NCOA3: variants seen among roughly 807,000 people sequenced by gnomAD.
NCOA3 encodes the protein CBP-interacting protein.
Under a neutral mutation model 158.8 loss-of-function variants are expected in NCOA3, and 51 were observed. The observed-to-expected ratio is 0.32, with a 90% CI of 0.26 to 0.41. NCOA3 has a LOEUF of 0.41. Ranked by LOEUF, NCOA3 falls within the 10% of genes least tolerant of loss-of-function variation. NCOA3 has a pLI of 1.00. For synonymous variants in NCOA3, 537 were observed against 592.4 expected (o/e 0.91, Z 1.36); for missense variants, 1,510 against 1,746.6 (o/e 0.86, Z 2.41).
At chr20:47,643,265 G>T (rs565606843) in intron 17 of NCOA3, among the ~76,000 whole-genome samples, 1 of 152,210 alleles carries the variant, frequency 6.6e-6, no homozygotes, top group African/African-American at 2.4e-5. Context: ...AGGTTTGTGC[G>T]TTCAACAGTA....
At chr20:47,641,321 T>C (rs1202022028) in intron 16 of NCOA3, among the ~76,000 whole-genome samples, 1 of 139,004 alleles carries the variant, frequency 7.2e-6, no homozygotes, top group African/African-American at 2.7e-5. Context: ...TAGCTCAACA[T>C]TTCTTTTTTT....
At chr20:47,630,572 C>CAAA (rs1818464197) in intron 8 of NCOA3, 1 of 146,864 alleles carries the variant, frequency 6.8e-6, no homozygotes, top group African/African-American at 2.5e-5. Flanking sequence ...AAACCATTCT[C>CAAA]CTGCCTCAGC....
intron 2 of NCOA3, among the ~76,000 whole-genome samples, chr20:47,586,846 C>T (rs951036845): frequency 6.6e-6 from 1 of 152,194 alleles, no homozygotes; most frequent in African/African-American, 2.4e-5. Context: ...ACTGCATCCG[C>T]AATGTGATAC....
intron 1 of NCOA3, among the ~76,000 whole-genome samples, chr20:47,522,695 C>T (rs1333818123): frequency 1.3e-5 from 2 of 150,364 alleles, no homozygotes; most frequent in East Asian, 1.9e-4. Context: ...AATGCAGGGG[C>T]GCTATGATGT....
chr20:47,633,500 G>A lies in NCOA3; in HGVS notation c.828G>A (p.Lys276=). The A allele has an allele frequency of 1.2e-6, 2 of 1,603,956 alleles. No individual in the cohort carries two copies. Among genetic ancestry groups the A allele is most frequent in the Non-Finnish European group, 1.7e-6 (2 of 1,177,146 alleles). Residue 276 remains lysine, a synonymous_variant, in exon 9 of 23, where the codon AAG becomes AAA. Coordinates refer to ENST00000371998, the MANE Select transcript of NCOA3 (RefSeq NM_181659.3). The part of the protein sequence containing the change: ...SFITRHDLSG[K]VVNIDTNSLR... The stretch of plus-strand genomic sequence containing the variant: ...TTTCCTTTTTTTGTTTAATAGGAAA[G>A]GTTGTCAATATAGATACAAATTCAC...
chr20:47,505,005 T>C (rs1474763208), intron 1 of NCOA3, among the ~76,000 whole-genome samples: 1 of 97,538 alleles, frequency 1.0e-5, no homozygotes, highest in Non-Finnish European at 2.3e-5. Flanking sequence ...GGTTTTTGGT[T>C]TTTTTTTTTT....
intron 1 of NCOA3, among the ~76,000 whole-genome samples, chr20:47,505,965 C>T (rs1023159646): frequency 2.0e-5 from 3 of 151,974 alleles, no homozygotes; most frequent in South Asian, 2.1e-4. Flanking sequence ...CCACCATGCC[C>T]GGCTAATTTT....
chr20:47,502,792 G>C (rs550046612), intron 1 of NCOA3, among the ~76,000 whole-genome samples: 5 of 147,968 alleles, frequency 3.4e-5, no homozygotes, highest in South Asian at 2.1e-4. Flanking sequence ...TCTTGTACCT[G>C]CCTTAACAAA....
At chr20:47,511,713 C>T (rs1344101629) in intron 1 of NCOA3, among the ~76,000 whole-genome samples, 2 of 150,818 alleles carry the variant, frequency 1.3e-5, no homozygotes, top group East Asian at 3.9e-4. Flanking sequence ...CCACGTGGAC[C>T]CAGCTAATTT....
intron 1 of NCOA3, among the ~76,000 whole-genome samples, chr20:47,505,597 A>T (rs1424191745): frequency 6.6e-6 from 1 of 152,176 alleles, no homozygotes; most frequent in East Asian, 1.9e-4. Flanking sequence ...TTTGGTTCAT[A>T]TCCTTGGTAT....
At chr20:47,575,525 T>C (rs1320170406) in intron 1 of NCOA3, among the ~76,000 whole-genome samples, 1 of 152,224 alleles carries the variant, frequency 6.6e-6, no homozygotes, top group East Asian at 1.9e-4. Flanking sequence ...ATTATATTGC[T>C]ATATAAACTT....
At chr20:47,532,139 T>TGTGTG (rs1555800968) in intron 1 of NCOA3, among the ~76,000 whole-genome samples, 1 of 151,316 alleles carries the variant, frequency 6.6e-6, no homozygotes, top group African/African-American at 2.4e-5. Flanking sequence ...TGTGTGTGTG[T>TGTGTG]TGCAGGGTTT....
In NCOA3 at chr20:47,642,292, T is replaced by C. The variant is rs1367940449; in HGVS notation, c.3160T>C (p.Leu1054=). ...AGGCCAGAGTGACGAAAGAGCATTA[T>C]TGGACCAGCTGCACACTCTTCTCAG... ...LEGQSDERAL[L]DQLHTLLSNT... is the part of the protein sequence containing the mutation. Residue 1054 remains leucine (L), a synonymous_variant, in exon 17 of 23, where the codon TTG becomes CTG. Coordinates refer to ENST00000371998, the MANE Select transcript of NCOA3 (RefSeq NM_181659.3). The C allele has an allele frequency of 5.0e-6, 8 of 1,613,648 alleles. No homozygotes were observed. The highest frequency in any genetic ancestry group is 1.3e-5 in the African/African-American group (1 of 74,990).
intron 2 of NCOA3, among the ~76,000 whole-genome samples, chr20:47,587,087 T>G (rs1340683320): frequency 6.6e-6 from 1 of 152,252 alleles, no homozygotes; most frequent in African/African-American, 2.4e-5. Context: ...TTGTGATGAT[T>G]GCAAAATGGT....
At chr20:47,554,546 A>G (rs534393400) in intron 1 of NCOA3, among the ~76,000 whole-genome samples, 3 of 149,412 alleles carry the variant, frequency 2.0e-5, no homozygotes, top group Non-Finnish European at 4.4e-5. Context: ...AATCACAAGC[A>G]TTCTTATACA....
rs2086251301 is a variant in NCOA3 at position 47,622,141 on chromosome 20, A to G, written c.-19-88A>G. On this transcript the variant is annotated intron_variant, in intron 2 of 22. Transcript: ENST00000371998. ...TTAGAGAAAGTAGTTCTGAATTAAA[A>G]GTTGCAGTCATTCAGTCATATAACA... is the stretch of plus-strand genomic sequence containing the variant. 3 of 638,744 alleles carry G rather than the reference A, an allele frequency of 4.7e-6. No individual in the cohort carries two copies. In the South Asian group the frequency reaches 6.0e-5, roughly 13 times the overall value. The allele number at this position is 638,744 out of a possible 1,614,324, so 39.6% of individuals were successfully genotyped here. A position where few individuals can be genotyped will look rare whatever the true frequency, so the allele number is the denominator to read the frequency against.
intron 2 of NCOA3, among the ~76,000 whole-genome samples, chr20:47,603,983 T>C (rs2085904648): frequency 6.6e-6 from 1 of 152,216 alleles, no homozygotes; most frequent in African/African-American, 2.4e-5. Context: ...GGAACTGCCT[T>C]CTTCTACCCA....
intron 1 of NCOA3, among the ~76,000 whole-genome samples, chr20:47,509,051 T>G (rs2084072837): frequency 6.6e-6 from 1 of 152,316 alleles, no homozygotes; most frequent in Non-Finnish European, 1.5e-5. Flanking sequence ...TGAATTAAGC[T>G]CTTTATACCA....
In NCOA3 at chr20:47,535,015, G is replaced by A. The variant is rs574649426; in HGVS notation, c.-99+32996G>A. ...TACAAGGTCTGGCTGTGTTGCCCAGGCTTGTTTTTTTTTTTTTCTTTTTAA... is the reference window on the plus strand; with the variant it reads ...TACAAGGTCTGGCTGTGTTGCCCAGACTTGTTTTTTTTTTTTTCTTTTTAA... On this transcript the variant is annotated intron_variant, in intron 1 of 22. Coordinates refer to ENST00000371998, the MANE Select transcript of NCOA3 (RefSeq NM_181659.3). 2.7e-5 allele frequency among the ~76,000 whole-genome samples: 4 copies of A among 147,338 alleles called. No individual in the cohort carries two copies. In the East Asian group the frequency reaches 8.0e-4, roughly 29 times the overall value.
Sources: allele counts gnomAD v4.1 joint callset (sites outside exome capture counted in the v4.1 genomes callset), GRCh38; gene constraint gnomAD v4.1.1; transcripts MANE v1.5; gene names NCBI Gene and HGNC (gene_info 2026-07-23, HGNC 2026-07-21).